Variants in TAF1A observed in about 807,000 individuals in gnomAD.
TAF1A encodes TATA box-binding protein-associated factor RNA polymerase I subunit A.
TAF1A carries 42 observed loss-of-function variants against 61.6 expected under a neutral mutation model. The observed-to-expected ratio is 0.68, with a 90% CI of 0.53 to 0.88. The LOEUF (loss-of-function observed/expected upper bound fraction) is 0.88, where lower values mean the gene tolerates loss of function less well. TAF1A is among the 40% of genes least tolerant of loss of function. The pLI, the probability that TAF1A is intolerant of heterozygous loss-of-function variation, is 0.00. For synonymous variants in TAF1A, 179 were observed against 177.7 expected (o/e 1.01, Z -0.06); for missense variants, 424 against 518.7 (o/e 0.82, Z 1.77).
chr1:222,561,240 G>T, intron 10 of TAF1A, 124 bp downstream of exon 10: 1 of 934,750 alleles, frequency 1.1e-6, no homozygotes, highest in East Asian at 2.7e-5. Context: ...CCATTGAGCA[G>T]TTATGTCTTA....
Position 222,563,184 on chromosome 1 carries a change from A to G in TAF1A, c.1074T>C (p.Asn358=). Residue 358 remains asparagine, a synonymous_variant, in exon 9 of 11, where the codon AAT becomes AAC. Transcript: ENST00000352967. ...AWKYLAKYLK[N]ILMGNHLAWV... ...TGTATGTTTCTTACCCCATTAAGAT[A>G]TTTTTCAGATATTTTGCCAAGTATT... is the stretch of plus-strand genomic sequence containing the variant. 4 of 1,608,876 alleles carry G rather than the reference A, an allele frequency of 2.5e-6. No individual in the cohort carries two copies. The highest frequency in any genetic ancestry group is 3.4e-6 in the Non-Finnish European group (4 of 1,176,092).
Position 222,563,300 on chromosome 1 carries a change from C to T in TAF1A, c.962-4G>A, listed in dbSNP as rs748718877. 1 of 1,611,614 alleles carries T rather than the reference C, an allele frequency of 6.2e-7. No individual in the cohort carries two copies. The highest frequency in any genetic ancestry group is 1.1e-5 in the South Asian group (1 of 90,726). ...AGTTTACGGTGTTCTTCTTTTTCTG[C>T]AATGGTTTTAACAGTTCAAGTTTAC... is the stretch of plus-strand genomic sequence containing the variant. On this transcript the variant is annotated splice_region_variant and splice_polypyrimidine_tract_variant and intron_variant, in intron 8 of 10. Transcript: ENST00000352967.
chr1:222,564,922 C>T (rs1003561188), intron 7 of TAF1A, among the ~76,000 whole-genome samples: 1 of 152,072 alleles, frequency 6.6e-6, no homozygotes, highest in African/African-American at 2.4e-5. Context: ...AATTCAGTTC[C>T]TATGAAAGTC....
intron 9 of TAF1A, 101 bp downstream of exon 9, chr1:222,563,072 A>T: frequency 8.4e-7 from 1 of 1,187,066 alleles, no homozygotes; most frequent in South Asian, 1.5e-5. Context: ...AATTCAAGAA[A>T]TTATAAAACA....
intron 7 of TAF1A, 90 bp from the exon 8 acceptor site, chr1:222,564,215 C>A: frequency 1.6e-6 from 1 of 608,218 alleles, no homozygotes; most frequent in South Asian, 2.1e-5. Context: ...TTCTTACTGT[C>A]TAATATGCTC....
At chr1:222,562,463 T>C (rs1006495640) in intron 9 of TAF1A, among the ~76,000 whole-genome samples, 4 of 152,298 alleles carry the variant, frequency 2.6e-5, no homozygotes, top group Middle Eastern at 6.8e-3. Context: ...TGCGTCAACA[T>C]ATGACACCAA....
chr1:222,577,372 T>G (rs1660611942), intron 5 of TAF1A, 73 bp downstream of exon 5: 1 of 1,231,294 alleles, frequency 8.1e-7, no homozygotes, highest in Non-Finnish European at 1.2e-6. Context: ...ATAGGGAAAT[T>G]ACTAGATTAC....
At chr1:222,574,020 C>A (rs1042204579) in intron 5 of TAF1A, among the ~76,000 whole-genome samples, 2 of 151,808 alleles carry the variant, frequency 1.3e-5, no homozygotes, top group Non-Finnish European at 2.9e-5. Context: ...TAAAAGAAGA[C>A]CACATACTGT....
At position 222,574,536 on chromosome 1, in the gene TAF1A, T is replaced by C. The variant is rs542999167; in HGVS notation, c.604+2909A>G. ...ATGTGCACCGGTATACAGAAATTAA[T>C]AGGGGTTCATTTCAAAGCAGAATTA... On this transcript the variant is annotated intron_variant, in intron 5 of 10. Coordinates refer to ENST00000352967, the MANE Select transcript of TAF1A (RefSeq NM_005681.4). Among the ~76,000 whole-genome samples, 91 of 152,252 alleles carry C rather than the reference T, an allele frequency of 6.0e-4. 1 individual carries two copies. The highest frequency in any genetic ancestry group is 2.1e-3 in the African/African-American group (89 of 41,562).
intron 3 of TAF1A, 112 bp downstream of exon 3, chr1:222,584,016 A>T: frequency 7.9e-7 from 1 of 1,272,880 alleles, no homozygotes; most frequent in Non-Finnish European, 1.1e-6. Flanking sequence ...AAGTAGTTTT[A>T]GTAGCTTTTA....
intron 7 of TAF1A, among the ~76,000 whole-genome samples, chr1:222,567,748 G>T (rs1660173188): frequency 6.6e-6 from 1 of 152,120 alleles, no homozygotes; most frequent in South Asian, 2.1e-4. Context: ...GAAAGTTAAA[G>T]AACCTAGAAA....
chr1:222,577,492 A>G lies in TAF1A; in HGVS notation c.557T>C (p.Leu186Ser). ...CTTTTCAGACCAGGTATAATACTGT[A>G]AAAGCCCTTTATAGGCCTGAATAAG... ...INLIQAYKGLLQYYTWSEKKM... is the reference protein window; with the variant it reads ...INLIQAYKGLSQYYTWSEKKM... The change falls in exon 5 of 11, where the codon TTA becomes TCA. Residue 186 changes from leucine (L) to serine (S), a missense_variant. Leu to Ser is a moderately radical substitution (Grantham distance 145, BLOSUM62 -2). Transcript: ENST00000352967. 2 of 1,614,010 alleles carry G rather than the reference A, an allele frequency of 1.2e-6. No individual in the cohort carries two copies. Among genetic ancestry groups the G allele is most frequent in the Non-Finnish European group, 1.7e-6 (2 of 1,179,920 alleles).
chr1:222,575,632 C>T (rs1286779878), intron 5 of TAF1A, among the ~76,000 whole-genome samples: 1 of 152,168 alleles, frequency 6.6e-6, no homozygotes, highest in Non-Finnish European at 1.5e-5. Flanking sequence ...AGCCACATAA[C>T]AGCAAGAAAG....
At chr1:222,577,390 G>T in intron 5 of TAF1A, 55 bp downstream of exon 5, 1 of 1,436,126 alleles carries the variant, frequency 7.0e-7, no homozygotes, top group Non-Finnish European at 9.7e-7. Flanking sequence ...TACTCCTTAA[G>T]ATCCCTCTGC....
At chr1:222,561,697 G>C (rs1317314317) in intron 9 of TAF1A, among the ~76,000 whole-genome samples, 179 bp from the exon 10 acceptor site, 1 of 152,048 alleles carries the variant, frequency 6.6e-6, no homozygotes, top group Non-Finnish European at 1.5e-5. Context: ...ATCCTTTTTT[G>C]TTCTCTTCCA....
chr1:222,573,722 T>C (rs1344665134), intron 5 of TAF1A, among the ~76,000 whole-genome samples: 2 of 152,152 alleles, frequency 1.3e-5, no homozygotes, highest in East Asian at 3.8e-4. Flanking sequence ...CTTAGAGTTA[T>C]ATGACCCAGC....
downstream of TAF1A, among the ~76,000 whole-genome samples, chr1:222,557,747 C>T (rs1337508386): frequency 6.6e-6 from 1 of 152,064 alleles, no homozygotes; most frequent in African/African-American, 2.4e-5. Flanking sequence ...AAAGTTAGGC[C>T]AGTGCCAGCT....
At chr1:222,563,092 A>G in intron 9 of TAF1A, 81 bp downstream of exon 9, 1 of 1,301,164 alleles carries the variant, frequency 7.7e-7, no homozygotes, top group Non-Finnish European at 1.1e-6. Flanking sequence ...ATAAGCAAAG[A>G]TCTTTAAAAA....
rs781158326 is a variant in TAF1A at position 222,564,047 on chromosome 1, T to A, written c.961+12A>T. ...TGTCTACACAAGGTATAAAACAACATTTATTTATTACCTGATTTTCTAAGT... is the reference window on the plus strand; with the variant it reads ...TGTCTACACAAGGTATAAAACAACAATTATTTATTACCTGATTTTCTAAGT... On this transcript the variant is annotated intron_variant, in intron 8 of 10. Coordinates refer to ENST00000352967, the MANE Select transcript of TAF1A (RefSeq NM_005681.4). 6.7e-7 allele frequency: 1 copy of A among 1,492,648 alleles called. No individual in the cohort carries two copies. Among genetic ancestry groups the A allele is most frequent in the Admixed American group, 1.7e-5 (1 of 58,228 alleles). The allele number at this position is 1,492,648 out of a possible 1,614,324, so 92.5% of individuals were successfully genotyped here. A position where few individuals can be genotyped will look rare whatever the true frequency, so the allele number is the denominator to read the frequency against.
Sources: gnomAD v4.1 joint callset for allele counts (sites outside exome capture counted in the v4.1 genomes callset) on GRCh38, gnomAD v4.1.1 for gene constraint, MANE v1.5 for transcripts, NCBI Gene and HGNC (gene_info 2026-07-23, HGNC 2026-07-21) for gene names.